Variants in RASAL2 observed in about 807,000 individuals in gnomAD.
RASAL2 encodes ras GTPase-activating protein nGAP.
In RASAL2, 58 loss-of-function variants were observed where a neutral mutation model predicts 128.9. That is an observed-to-expected ratio of 0.45 (90% CI 0.36 to 0.56). The LOEUF is 0.56. Ranked by LOEUF, RASAL2 falls within the 20% of genes least tolerant of loss-of-function variation. The probability of loss-of-function intolerance (pLI) is 0.00; values close to 1 mark genes in which losing one functional copy is unlikely to be tolerated. For missense variants in RASAL2, 1,360 were observed against 1,601.6 expected (o/e 0.85, Z 2.57); for synonymous variants, 561 against 580.8 (o/e 0.97, Z 0.49).
chr1:178,288,926 C>T (rs1278595614), intron 2 of RASAL2, among the ~76,000 whole-genome samples: 4 of 152,278 alleles, frequency 2.6e-5, no homozygotes, highest in Admixed American at 1.3e-4. Flanking sequence ...GCTGGGATTA[C>T]AGGTGTGAGC....
intron 3 of RASAL2, among the ~76,000 whole-genome samples, chr1:178,367,211 T>TA (rs1250926644): frequency 6.6e-6 from 1 of 152,204 alleles, no homozygotes; most frequent in African/African-American, 2.4e-5. Context: ...TGATCTCCTT[T>TA]TACTTTTTCC....
intron 1 of RASAL2, among the ~76,000 whole-genome samples, chr1:178,214,341 T>C (rs1663355588): frequency 6.6e-6 from 1 of 152,198 alleles, no homozygotes; most frequent in Non-Finnish European, 1.5e-5. Context: ...GAAGATTAAC[T>C]TGTGTCTTGT....
intron 1 of RASAL2, among the ~76,000 whole-genome samples, chr1:178,230,441 T>A (rs1314087683): frequency 1.3e-5 from 2 of 152,196 alleles, no homozygotes; most frequent in African/African-American, 2.4e-5. Context: ...TTACTCTACA[T>A]CCTCACCAGC....
At chr1:178,434,050 T>C (rs1676098262) in intron 5 of RASAL2, among the ~76,000 whole-genome samples, 1 of 152,138 alleles carries the variant, frequency 6.6e-6, no homozygotes, top group African/African-American at 2.4e-5. Flanking sequence ...ATAAAAGCTG[T>C]AGTCTGTCCA....
intron 1 of RASAL2, among the ~76,000 whole-genome samples, chr1:178,104,155 A>C (rs1659006284): frequency 6.6e-6 from 1 of 152,152 alleles, no homozygotes; most frequent in Non-Finnish European, 1.5e-5. Flanking sequence ...TCTGGTATTA[A>C]ATATGAGATA....
intron 5 of RASAL2, among the ~76,000 whole-genome samples, chr1:178,424,307 A>G (rs1430316212): frequency 2.0e-5 from 3 of 151,702 alleles, no homozygotes; most frequent in Non-Finnish European, 4.4e-5. Context: ...TAGTGGCACA[A>G]TCTCGGCTCA....
chr1:178,265,716 T>G (rs192381588), intron 1 of RASAL2, among the ~76,000 whole-genome samples: 129 of 152,312 alleles, frequency 8.5e-4, no homozygotes, highest in African/African-American at 3.1e-3. Context: ...CTGTGTAATT[T>G]ATACCCTGCT....
intron 3 of RASAL2, among the ~76,000 whole-genome samples, chr1:178,371,359 C>CACACACAAAT (rs1671706702): frequency 3.4e-5 from 5 of 148,056 alleles, no homozygotes; most frequent in South Asian, 2.1e-4. Flanking sequence ...CACAAATACA[C>CACACACAAAT]ACACACACAC....
At chr1:178,302,308 A>G (rs1031953895) in intron 3 of RASAL2, among the ~76,000 whole-genome samples, 12 of 152,108 alleles carry the variant, frequency 7.9e-5, no homozygotes, top group Non-Finnish European at 1.8e-4. Context: ...GGATGAATAT[A>G]CATAGAAACT....
At chr1:178,400,108 G>A (rs1057175625) in intron 4 of RASAL2, among the ~76,000 whole-genome samples, 7 of 152,060 alleles carry the variant, frequency 4.6e-5, no homozygotes, top group East Asian at 3.9e-4. Context: ...TCAGTCGCCC[G>A]CTGAAGGCTT....
At chr1:178,256,257 A>G (rs1665338910) in intron 1 of RASAL2, among the ~76,000 whole-genome samples, 1 of 152,228 alleles carries the variant, frequency 6.6e-6, no homozygotes, top group South Asian at 2.1e-4. Flanking sequence ...GGAAAAAAAC[A>G]TGATTCTTCC....
chr1:178,404,952 G>A (rs1673906106), intron 4 of RASAL2, among the ~76,000 whole-genome samples: 1 of 152,062 alleles, frequency 6.6e-6, no homozygotes, highest in Admixed American at 6.6e-5. Context: ...GAAGCGCTGG[G>A]ATTACAGGGA....
intron 3 of RASAL2, among the ~76,000 whole-genome samples, chr1:178,370,156 C>T (rs1224063546): frequency 6.6e-6 from 1 of 152,144 alleles, no homozygotes; most frequent in Admixed American, 6.5e-5. Flanking sequence ...TTGTTCTATA[C>T]AAATGAACAA....
chr1:178,276,579 A>G (rs1666525106), intron 1 of RASAL2, among the ~76,000 whole-genome samples: 1 of 151,500 alleles, frequency 6.6e-6, no homozygotes, highest in African/African-American at 2.4e-5. Context: ...TGGTGTGATC[A>G]TGGCCCACTG....
chr1:178,308,003 C>T (rs943758579), intron 3 of RASAL2, among the ~76,000 whole-genome samples: 7 of 152,120 alleles, frequency 4.6e-5, no homozygotes, highest in Non-Finnish European at 7.4e-5. Flanking sequence ...CAAATCCAAA[C>T]ATTTACTAAC....
At chr1:178,293,488 A>T (rs1667369909) in intron 2 of RASAL2, among the ~76,000 whole-genome samples, 1 of 152,236 alleles carries the variant, frequency 6.6e-6, no homozygotes, top group Non-Finnish European at 1.5e-5. Flanking sequence ...GTGGCTTCTC[A>T]GTGCTCCCCA....
intron 5 of RASAL2, among the ~76,000 whole-genome samples, chr1:178,437,857 A>G (rs1003290585): frequency 6.6e-6 from 1 of 152,094 alleles, no homozygotes; most frequent in Non-Finnish European, 1.5e-5. Flanking sequence ...GGAAATAAAT[A>G]TGGAGCTTAC....
At chr1:178,218,973 G>T (rs1364982527) in intron 1 of RASAL2, among the ~76,000 whole-genome samples, 1 of 152,186 alleles carries the variant, frequency 6.6e-6, no homozygotes, top group African/African-American at 2.4e-5. Flanking sequence ...TTTCATCTAT[G>T]TTGAAAATCT....
At chr1:178,444,320 A>G (rs977054116) in intron 8 of RASAL2, among the ~76,000 whole-genome samples, 12 of 152,152 alleles carry the variant, frequency 7.9e-5, no homozygotes, top group African/African-American at 2.9e-4. Flanking sequence ...AACCACCACT[A>G]TGATCAAGAT....
Sources: gnomAD v4.1 joint callset for allele counts (sites outside exome capture counted in the v4.1 genomes callset) on GRCh38, gnomAD v4.1.1 for gene constraint, MANE v1.5 for transcripts, NCBI Gene and HGNC (gene_info 2026-07-23, HGNC 2026-07-21) for gene names.